AACS: variants seen among roughly 807,000 people sequenced by gnomAD.
AACS encodes acetoacetyl-CoA synthetase, also known as acetoacetate-CoA ligase.
In AACS, 69 loss-of-function variants were observed where a neutral mutation model predicts 83.1. The ratio of observed to expected loss-of-function variants is 0.83; its 90% CI spans 0.68 to 1.01. The LOEUF is 1.01. AACS is among the 50% of genes least tolerant of loss of function. The pLI is 0.00. For missense variants in AACS, 866 were observed against 882.2 expected, an observed-to-expected ratio of 0.98 and a Z score of 0.23; for synonymous variants, 333 against 343.4, an observed-to-expected ratio of 0.97 and a Z score of 0.33.
At chr12:125,103,208 A>G in intron 7 of AACS, 127 bp downstream of exon 7, 1 of 763,242 alleles carries the variant, frequency 1.3e-6, no homozygotes, top group South Asian at 1.7e-5. Flanking sequence ...GTTTTAGTTA[A>G]AAGCATCATT....
At chr12:125,134,128 G>T (rs940018778) in intron 15 of AACS, 56 bp downstream of exon 15, 226 of 1,577,518 alleles carry the variant, frequency 1.4e-4, no homozygotes, top group South Asian at 2.1e-4. Flanking sequence ...CAGAGGCATG[G>T]GGGTGGGAGA....
intron 7 of AACS, 74 bp from the exon 8 acceptor site, chr12:125,107,047 A>G: frequency 6.3e-7 from 1 of 1,594,100 alleles, no homozygotes; most frequent in Non-Finnish European, 8.6e-7. Flanking sequence ...AGGGAAGTGC[A>G]CGGGTGGAAT....
Position 125,107,124 on chromosome 12 carries a change from G to A in AACS, c.771G>A (p.Val257=). Residue 257 remains valine, a synonymous_variant, in exon 8 of 18, where the codon GTG becomes GTA. Transcript: ENST00000316519. ...NIDLSKIPNS[V]FLDDFLATGT... is the part of the protein sequence containing the mutation. Reference sequence around the variant, plus strand: ...TTCCCTGCGTTTCGGCCCACAGTGTGTTTCTGGATGACTTTCTTGCCACCG... The same window carrying A: ...TTCCCTGCGTTTCGGCCCACAGTGTATTTCTGGATGACTTTCTTGCCACCG... The A allele has an allele frequency of 6.2e-7, 1 of 1,614,154 alleles. No individual in the cohort carries two copies. The highest frequency in any genetic ancestry group is 8.5e-7 in the Non-Finnish European group (1 of 1,180,038).
At chr12:125,079,912 G>T (rs1267000960) in intron 3 of AACS, among the ~76,000 whole-genome samples, 2 of 152,032 alleles carry the variant, frequency 1.3e-5, no homozygotes, top group Non-Finnish European at 2.9e-5. Flanking sequence ...TCTTTCCTGG[G>T]TTTCCCTGTT....
chr12:125,091,796 A>G (rs1956491989), intron 5 of AACS, among the ~76,000 whole-genome samples: 1 of 152,182 alleles, frequency 6.6e-6, no homozygotes, highest in African/African-American at 2.4e-5. Context: ...AAGGTCTAGT[A>G]AGGTCGAGCC....
At chr12:125,068,401 G>A (rs941663883) in intron 1 of AACS, among the ~76,000 whole-genome samples, 5 of 152,204 alleles carry the variant, frequency 3.3e-5, no homozygotes, top group African/African-American at 1.2e-4. Context: ...GGAGGTCGCA[G>A]TGAGCCGAGA....
In AACS at chr12:125,124,765, G is replaced by T; in HGVS notation, c.1182G>T (p.Lys394Asn). ...WLSVLEEKAMKPVETHSLQML... is the reference protein window; with the variant it reads ...WLSVLEEKAMNPVETHSLQML... The stretch of plus-strand genomic sequence containing the variant: ...CAGTGCTGGAAGAGAAGGCCATGAA[G>T]CCGGGTGAGTGTGCCTCTTCAGTAC... The change falls in exon 11 of 18, where the codon AAG becomes AAT. Residue 394 changes from lysine (K) to asparagine (N), a missense_variant. Transcript: ENST00000316519. 1 of 1,614,224 alleles carries T rather than the reference G, an allele frequency of 6.2e-7. No individual in the cohort carries two copies. The highest frequency in any genetic ancestry group is 8.5e-7 in the Non-Finnish European group (1 of 1,180,040).
rs369254557 is a variant in AACS, at chr12:125,129,317, T to C, written c.1424-18T>C. ...GCTGTGGTGTGTGTTGGGCTTATTTTTAATTCTCCCATACCAGGAAAGGCG... is the reference window on the plus strand; with the variant it reads ...GCTGTGGTGTGTGTTGGGCTTATTTCTAATTCTCCCATACCAGGAAAGGCG... On this transcript the variant is annotated intron_variant, in intron 13 of 17. Transcript: ENST00000316519. This position sits in a 1 kb window ranked among gnomAD's most constrained non-coding sequence, Gnocchi z 4.3. The C allele has an allele frequency of 5.6e-6, 9 of 1,606,756 alleles. No individual in the cohort carries two copies. Among genetic ancestry groups the C allele is most frequent in the Non-Finnish European group, 7.6e-6 (9 of 1,177,288 alleles).
intron 1 of AACS, among the ~76,000 whole-genome samples, chr12:125,073,378 A>C (rs1026084930): frequency 2.6e-4 from 40 of 152,238 alleles, no homozygotes; most frequent in African/African-American, 9.6e-4. Flanking sequence ...TTTCCAATGT[A>C]TCGACTATAA....
rs1956555976 is a variant in AACS at position 125,094,290 on chromosome 12, A to G, written c.570+2767A>G. ...TTTCAGTAAGGGGCGCTCTTCAGAA[A>G]CTGCAATGAAGCGTGAATGTCTTCC... On this transcript the variant is annotated intron_variant, in intron 5 of 17. Coordinates refer to ENST00000316519, the MANE Select transcript of AACS (RefSeq NM_023928.5). The surrounding 1 kb of genome is among the most constrained non-coding windows in gnomAD (Gnocchi z 4.1). Among the ~76,000 whole-genome samples, 1 of 152,234 alleles carries G rather than the reference A, an allele frequency of 6.6e-6. No individual in the cohort carries two copies. Among genetic ancestry groups the G allele is most frequent in the Non-Finnish European group, 1.5e-5 (1 of 68,038 alleles).
At chr12:125,115,281 G>A (rs570016080) in intron 9 of AACS, among the ~76,000 whole-genome samples, 12 of 140,422 alleles carry the variant, frequency 8.5e-5, no homozygotes, top group Non-Finnish European at 1.4e-4. Context: ...TTTTTTTTGC[G>A]ATGAAGTCTA....
intron 5 of AACS, among the ~76,000 whole-genome samples, chr12:125,099,447 A>G (rs1254453377): frequency 6.6e-6 from 1 of 152,168 alleles, no homozygotes; most frequent in African/African-American, 2.4e-5. Flanking sequence ...TGGATTTCAA[A>G]ATCTATTAAA....
intron 3 of AACS, among the ~76,000 whole-genome samples, chr12:125,079,244 G>A (rs987600765): frequency 1.3e-5 from 2 of 152,192 alleles, no homozygotes; most frequent in Non-Finnish European, 1.5e-5. Flanking sequence ...GGGGAGGTGT[G>A]AGAGGGAGTG....
At chr12:125,101,630 T>C (rs929073267) in intron 5 of AACS, 5 of 152,190 alleles carry the variant, frequency 3.3e-5, no homozygotes, top group African/African-American at 4.8e-5. Flanking sequence ...GGGAATCTTT[T>C]TGGTAGTGTA....
Position 125,102,677 on chromosome 12 carries a change from A to G in AACS, c.571-2A>G, listed in dbSNP as rs772451713. ...ATGATGACTTTTTCCTCCTGCTTTC[A>G]GGGTGTGCTGGACCGGTTTTCTCAA... On this transcript the variant is annotated splice_acceptor_variant, in intron 5 of 17. Transcript: ENST00000316519. LOFTEE classifies it high-confidence loss of function. 18 of 1,613,504 alleles carry G rather than the reference A, an allele frequency of 1.1e-5. 1 individual carries two copies. In the East Asian group the frequency reaches 3.8e-4, roughly 34 times the overall value.
chr12:125,116,272 G>C (rs920114539), intron 9 of AACS, among the ~76,000 whole-genome samples: 3 of 152,036 alleles, frequency 2.0e-5, no homozygotes, highest in Non-Finnish European at 4.4e-5. Context: ...TGCCTCCCTG[G>C]GACACGGCAA....
At chr12:125,109,449 C>G (rs570605985) in intron 8 of AACS, among the ~76,000 whole-genome samples, 19 of 152,206 alleles carry the variant, frequency 1.2e-4, no homozygotes, top group Non-Finnish European at 2.2e-4. Flanking sequence ...CTAAAAGCCT[C>G]TTTCGCCTTC....
intron 3 of AACS, among the ~76,000 whole-genome samples, chr12:125,084,121 A>C (rs1409495356): frequency 6.6e-6 from 1 of 151,272 alleles, no homozygotes; most frequent in African/African-American, 2.4e-5. Flanking sequence ...TGAGGTCAGG[A>C]GTTTGAGATT....
chr12:125,110,189 TTGTGTGTGTGTG>T (rs59856503), intron 8 of AACS, among the ~76,000 whole-genome samples: 11,387 of 118,724 alleles, frequency 0.096, 682 homozygotes, highest in African/African-American at 0.15. Flanking sequence ...CCGGCTAAGT[TTGTGTGTGTGTG>T]TGTGTGTGTG....
Sources: gnomAD v4.1 joint callset for allele counts (sites outside exome capture counted in the v4.1 genomes callset) on GRCh38, gnomAD v4.1.1 for gene constraint, Gnocchi (gnomAD v3.1) non-coding constraint, MANE v1.5 for transcripts, NCBI Gene and HGNC (gene_info 2026-07-23, HGNC 2026-07-21) for gene names.